CUBN: variants seen among roughly 807,000 people sequenced by gnomAD.
CUBN encodes the protein 460 kDa receptor.
Under a neutral mutation model 405.3 loss-of-function variants are expected in CUBN, and 282 were observed. The observed-to-expected ratio is 0.70, with a 90% confidence interval of 0.63 to 0.77. CUBN has a LOEUF of 0.77. CUBN is among the 30% of genes least tolerant of loss of function. CUBN has a pLI of 0.00. For missense variants in CUBN, 4,514 were observed against 4,475.2 expected (o/e 1.01, Z -0.25); for synonymous variants, 1,684 against 1,617.0 (o/e 1.04, Z -0.99).
At chr10:17,106,317 A>C (rs1452587770) in intron 10 of CUBN, among the ~76,000 whole-genome samples, 1 of 150,268 alleles carries the variant, frequency 6.7e-6, no homozygotes, top group African/African-American at 2.5e-5. Context: ...AATAATAATA[A>C]TACTAATAAA....
intron 32 of CUBN, among the ~76,000 whole-genome samples, chr10:16,953,156 C>A (rs1228884511): frequency 6.6e-6 from 1 of 152,020 alleles, no homozygotes; most frequent in Non-Finnish European, 1.5e-5. Context: ...CTTTTACAGG[C>A]GACTTTGGAG....
chr10:16,914,630 G>A (rs1841829341), intron 47 of CUBN, among the ~76,000 whole-genome samples: 1 of 150,632 alleles, frequency 6.6e-6, no homozygotes, highest in Admixed American at 6.6e-5. Context: ...CCAACACTTT[G>A]GGAGGTCAAG....
rs186221967 is a variant in CUBN, at chr10:17,086,354, T to C, written c.1948-595A>G. ...AAAGATCTTTCCCTTTTGATTTTTTTCATTATAAATTCTTAGTGATCTAGA... is the reference window on the plus strand; with the variant it reads ...AAAGATCTTTCCCTTTTGATTTTTTCCATTATAAATTCTTAGTGATCTAGA... On this transcript the variant is annotated intron_variant, in intron 15 of 66. Coordinates refer to ENST00000377833, the MANE Select transcript of CUBN (RefSeq NM_001081.4). Among the ~76,000 whole-genome samples the C allele has an allele frequency of 2.2e-3, 331 of 152,304 alleles. 1 individual carries two copies. Among genetic ancestry groups the C allele is most frequent in the Admixed American group, 4.6e-3 (70 of 15,300 alleles).
chr10:16,840,636 C>G (rs879656619), intron 61 of CUBN, 101 bp from the exon 62 acceptor site: 18 of 1,030,112 alleles, frequency 1.7e-5, no homozygotes, highest in Non-Finnish European at 2.7e-5. Flanking sequence ...CCCGGAGGAG[C>G]TATATTTTCA....
chr10:16,921,814 T>G (rs1478066229), intron 43 of CUBN, among the ~76,000 whole-genome samples: 4 of 152,220 alleles, frequency 2.6e-5, no homozygotes, highest in Non-Finnish European at 5.9e-5. Context: ...TGTTGATTAT[T>G]CCGTATTTAC....
intron 14 of CUBN, among the ~76,000 whole-genome samples, chr10:17,097,209 G>A (rs1265882797): frequency 3.9e-5 from 6 of 151,912 alleles, no homozygotes; most frequent in South Asian, 4.2e-4. Flanking sequence ...GACTTATCAA[G>A]GTAAAAAAGA....
intron 27 of CUBN, among the ~76,000 whole-genome samples, chr10:17,027,720 T>A (rs1484100667): frequency 1.3e-5 from 2 of 152,200 alleles, no homozygotes; most frequent in Non-Finnish European, 2.9e-5. Flanking sequence ...AAATTGTCTA[T>A]CTCCATAATC....
At chr10:16,858,159 C>T (rs1329465265) in intron 59 of CUBN, among the ~76,000 whole-genome samples, 1 of 151,880 alleles carries the variant, frequency 6.6e-6, no homozygotes, top group African/African-American at 2.4e-5. Flanking sequence ...TAAAAGAAGG[C>T]CTAAATAAGT....
chr10:16,959,436 C>G lies in CUBN; in HGVS notation c.4696-4888G>C, dbSNP rs146746710. On this transcript the variant is annotated intron_variant, in intron 31 of 66. Coordinates refer to ENST00000377833, the MANE Select transcript of CUBN (RefSeq NM_001081.4). The stretch of plus-strand genomic sequence containing the variant: ...CTGAAGTCGGGAGTTCAAGACCAGC[C>G]TGACCAGCATGGAGAAGCTCCATCT... 8.8e-4 allele frequency among the ~76,000 whole-genome samples: 134 copies of G among 152,196 alleles called. 1 individual carries two copies. The highest frequency in any genetic ancestry group is 3.4e-3 in the Middle Eastern group (1 of 294).
chr10:17,126,136 T>C (rs1034361230), intron 4 of CUBN, among the ~76,000 whole-genome samples: 1 of 152,220 alleles, frequency 6.6e-6, no homozygotes, highest in African/African-American at 2.4e-5. Context: ...CAGATTTTTA[T>C]GCAAAATTTT....
At chr10:17,092,863 A>T (rs1379627052) in intron 14 of CUBN, among the ~76,000 whole-genome samples, 1 of 152,220 alleles carries the variant, frequency 6.6e-6, no homozygotes, top group East Asian at 1.9e-4. Flanking sequence ...TGGAGTAGCC[A>T]TTCTTTTATT....
Position 17,065,637 on chromosome 10 carries a change from A to T in CUBN, c.3010T>A (p.Tyr1004Asn). 6.2e-7 allele frequency: 1 copy of T among 1,613,302 alleles called. No homozygotes were observed. Residue 1004 changes from tyrosine to asparagine, a missense_variant and splice_region_variant, in exon 22 of 67, where the codon TAC (tyrosine) becomes AAC (asparagine). Physicochemically the swap from Tyr to Asn is moderately radical, Grantham distance 143. Around this residue, in one of 5 missense-constraint regions of CUBN, gnomAD observed 1,448 missense variants for 1,388.0 expected, o/e 1.04. Coordinates refer to ENST00000377833, the MANE Select transcript of CUBN (RefSeq NM_001081.4). ...DTDSETSLGR[Y>N]CGKSIPPSLT... ...GATGGCGGGATCGACTTTCCACAGT[A>T]TCTATTCCAAACCAAGAAAGGACAG...
intron 4 of CUBN, among the ~76,000 whole-genome samples, chr10:17,125,887 G>T (rs1229848867): frequency 6.6e-6 from 1 of 152,132 alleles, no homozygotes; most frequent in Non-Finnish European, 1.5e-5. Flanking sequence ...CAGCTGAGGG[G>T]TCAATGTATT....
intron 59 of CUBN, among the ~76,000 whole-genome samples, chr10:16,866,086 C>G (rs1840175222): frequency 6.6e-6 from 1 of 152,134 alleles, no homozygotes; most frequent in Admixed American, 6.5e-5. Context: ...TGGCAACTCA[C>G]TAATTGAAAT....
chr10:16,983,352 A>G (rs1403736323), intron 30 of CUBN, among the ~76,000 whole-genome samples: 1 of 152,166 alleles, frequency 6.6e-6, no homozygotes, highest in Non-Finnish European at 1.5e-5. Context: ...CTTGGTTATG[A>G]TAGAGTTGAA....
chr10:16,888,463 A>T lies in CUBN; in HGVS notation c.8859T>A (p.Asn2953Lys). 6.2e-7 allele frequency: 1 copy of T among 1,612,834 alleles called. No homozygotes were observed. The highest frequency in any genetic ancestry group is 8.5e-7 in the Non-Finnish European group (1 of 1,178,830). Residue 2953 changes from asparagine (N) to lysine (K), a missense_variant, in exon 56 of 67, where the codon AAT (asparagine) becomes AAA (lysine). Coordinates refer to ENST00000377833, the MANE Select transcript of CUBN (RefSeq NM_001081.4). ...AAGTCAAGAGGACCACTGACAGAGG[A>T]TTAGCCTCTATGACATAGGTGCAAT... Reference protein sequence around the residue: ...NMNCTYVIEANPLSVVLLTFV... With the variant: ...NMNCTYVIEAKPLSVVLLTFV...
At chr10:16,916,330 A>G (rs1445640971) in intron 45 of CUBN, among the ~76,000 whole-genome samples, 2 of 152,230 alleles carry the variant, frequency 1.3e-5, no homozygotes, top group Non-Finnish European at 2.9e-5. Flanking sequence ...GACACTATGT[A>G]AGAGCTAATA....
chr10:16,858,772 T>C (rs1465393694), intron 59 of CUBN, among the ~76,000 whole-genome samples: 1 of 152,146 alleles, frequency 6.6e-6, no homozygotes, highest in Non-Finnish European at 1.5e-5. Context: ...TGGTGAGGAG[T>C]TAGACACATA....
chr10:16,888,354 C>T (rs1267596938), intron 56 of CUBN, 63 bp downstream of exon 56: 4 of 1,306,556 alleles, frequency 3.1e-6, no homozygotes, highest in South Asian at 2.5e-5. Context: ...ACATGTTGTA[C>T]ACCATAAATA....
Sources: allele counts gnomAD v4.1 joint callset (sites outside exome capture counted in the v4.1 genomes callset), GRCh38; gene constraint gnomAD v4.1.1; regional missense constraint gnomAD v4.1.1; transcripts MANE v1.5; gene names NCBI Gene and HGNC (gene_info 2026-07-23, HGNC 2026-07-21).